The following DYNC2H1 variants were observed in gnomAD, a reference collection of about 807,000 sequenced individuals.
DYNC2H1 encodes cytoplasmic dynein 2 heavy chain 1.
In DYNC2H1, 410 loss-of-function variants were observed where a neutral mutation model predicts 570.0. That is an observed-to-expected ratio of 0.72 (90% CI 0.66 to 0.78). DYNC2H1 has a LOEUF of 0.78. Ranked by LOEUF, DYNC2H1 falls within the 30% of genes least tolerant of loss-of-function variation. The pLI, the probability that DYNC2H1 is intolerant of heterozygous loss-of-function variation, is 0.00. For synonymous variants in DYNC2H1, 1,688 were observed against 1,677.6 expected (o/e 1.01, Z -0.15); for missense variants, 4,865 against 5,046.4 (o/e 0.96, Z 1.09).
chr11:103,200,363 A>C (rs1862669920), intron 50 of DYNC2H1, among the ~76,000 whole-genome samples: 1 of 152,182 alleles, frequency 6.6e-6, no homozygotes, highest in South Asian at 2.1e-4. Flanking sequence ...AAAATTGTTA[A>C]TATTGAGTAT....
intron 85 of DYNC2H1, among the ~76,000 whole-genome samples, chr11:103,449,355 T>C (rs886686477): frequency 4.6e-5 from 7 of 152,182 alleles, no homozygotes; most frequent in African/African-American, 1.7e-4. Flanking sequence ...TTTTGAAGAC[T>C]AGACTGTATG....
At chr11:103,449,066 G>T (rs890470696) in intron 85 of DYNC2H1, among the ~76,000 whole-genome samples, 3 of 152,194 alleles carry the variant, frequency 2.0e-5, no homozygotes, top group Non-Finnish European at 4.4e-5. Flanking sequence ...AGACCTAAAG[G>T]AGGTAAGGGA....
chr11:103,155,278 A>AAT, intron 24 of DYNC2H1, 53 bp from the exon 25 acceptor site: 1 of 1,473,994 alleles, frequency 6.8e-7, no homozygotes, highest in Non-Finnish European at 9.0e-7. Flanking sequence ...GCATTTTGCT[A>AAT]ATATATGTAT....
intron 82 of DYNC2H1, among the ~76,000 whole-genome samples, chr11:103,343,627 G>A (rs553517874): frequency 6.6e-6 from 1 of 152,268 alleles, no homozygotes; most frequent in Non-Finnish European, 1.5e-5. Flanking sequence ...ATGACGAGAA[G>A]TGAGGACAAA....
chr11:103,302,272 A>G (rs1867080955), intron 75 of DYNC2H1, among the ~76,000 whole-genome samples: 1 of 152,066 alleles, frequency 6.6e-6, no homozygotes, highest in Admixed American at 6.6e-5. Flanking sequence ...ATATAGTGAT[A>G]TTTGTTTCTC....
At chr11:103,332,054 C>T (rs1008074663) in intron 82 of DYNC2H1, among the ~76,000 whole-genome samples, 2 of 146,708 alleles carry the variant, frequency 1.4e-5, no homozygotes, top group Non-Finnish European at 3.0e-5. Context: ...GGTGACAAAG[C>T]GAGACTCCAT....
intron 12 of DYNC2H1, among the ~76,000 whole-genome samples, chr11:103,126,829 A>G (rs972008810): frequency 6.6e-6 from 1 of 152,042 alleles, no homozygotes; most frequent in African/African-American, 2.4e-5. Flanking sequence ...TAGTAGAGAT[A>G]GAGTTTCACC....
chr11:103,460,853 C>T (rs1267930670), intron 87 of DYNC2H1, among the ~76,000 whole-genome samples: 1 of 151,708 alleles, frequency 6.6e-6, no homozygotes. Context: ...TTTTATTTTT[C>T]ATTTGGGATT....
chr11:103,141,631 G>C (rs554183959), intron 17 of DYNC2H1, among the ~76,000 whole-genome samples: 1 of 152,326 alleles, frequency 6.6e-6, no homozygotes, highest in African/African-American at 2.4e-5. Context: ...GTGCCTCCCA[G>C]TTAGGCTGCT....
chr11:103,213,206 T>C (rs1237088375), intron 54 of DYNC2H1, among the ~76,000 whole-genome samples: 1 of 152,030 alleles, frequency 6.6e-6, no homozygotes, highest in Non-Finnish European at 1.5e-5. Context: ...ACCAGAACCA[T>C]ATGTGAGAAA....
intron 74 of DYNC2H1, among the ~76,000 whole-genome samples, chr11:103,287,157 C>T (rs7104306): frequency 2.6e-5 from 4 of 151,734 alleles, no homozygotes; most frequent in East Asian, 3.9e-4. Flanking sequence ...TTTTTTTAAA[C>T]GTAAAAATAG....
chr11:103,157,131 T>G lies in DYNC2H1; in HGVS notation c.4127+361T>G, dbSNP rs541925102. ...TCTTAGAAAGTCTCTTCCATTGGCTTCTGTGATTTCGTCCTCTCTTGGTTT... is the reference window on the plus strand; with the variant it reads ...TCTTAGAAAGTCTCTTCCATTGGCTGCTGTGATTTCGTCCTCTCTTGGTTT... On this transcript the variant is annotated intron_variant, in intron 26 of 88. Transcript: ENST00000375735. The surrounding 1 kb of genome is among the most constrained non-coding windows in gnomAD (Gnocchi z 4.2). Among the ~76,000 whole-genome samples the G allele has an allele frequency of 6.6e-6, 1 of 152,324 alleles. No individual in the cohort carries two copies. The highest frequency in any genetic ancestry group is 1.5e-5 in the Non-Finnish European group (1 of 68,018).
chr11:103,285,004 T>G (rs901270118), intron 73 of DYNC2H1, among the ~76,000 whole-genome samples: 1 of 152,150 alleles, frequency 6.6e-6, no homozygotes, highest in Non-Finnish European at 1.5e-5. Context: ...GAATAGAAAT[T>G]TGTGAGGTAG....
intron 82 of DYNC2H1, among the ~76,000 whole-genome samples, chr11:103,347,604 A>AT (rs777288618): frequency 5.9e-5 from 9 of 152,126 alleles, no homozygotes; most frequent in Non-Finnish European, 1.0e-4. Context: ...TTCTTTGAAA[A>AT]TGTTCATAAT....
chr11:103,445,358 T>TA (rs1274453920), intron 85 of DYNC2H1, among the ~76,000 whole-genome samples: 3 of 152,250 alleles, frequency 2.0e-5, no homozygotes, highest in African/African-American at 7.2e-5. Context: ...ATGCCCATCT[T>TA]AAAGTATGAT....
At chr11:103,237,629 A>T (rs1204231788) in intron 63 of DYNC2H1, among the ~76,000 whole-genome samples, 2 of 152,174 alleles carry the variant, frequency 1.3e-5, no homozygotes, top group East Asian at 3.9e-4. Context: ...AATGTATTAC[A>T]TTATAGCAAA....
In DYNC2H1 at chr11:103,109,725, C is replaced by T. The variant is rs1858017733; in HGVS notation, c.151C>T (p.Leu51Phe). The T allele has an allele frequency of 6.2e-7, 1 of 1,613,976 alleles. No homozygotes were observed. The highest frequency in any genetic ancestry group is 8.5e-7 in the Non-Finnish European group (1 of 1,179,898). ...CTTGGATGACGGCAACCAGATGCTC[C>T]TCAGGGTGCAGCGATCCGACGCAGG... ...NFLDDGNQMLLRVQRSDAGIS... is the reference protein window; with the variant it reads ...NFLDDGNQMLFRVQRSDAGIS... The change falls in exon 1 of 89, where the codon CTC becomes TTC. Residue 51 changes from leucine (L) to phenylalanine (F), a missense_variant. By Grantham distance (22) the Leu-to-Phe change is conservative. Coordinates refer to ENST00000375735, the MANE Select transcript of DYNC2H1 (RefSeq NM_001377.3).
rs192906733 is a variant in DYNC2H1, at chr11:103,422,168, A to C, written c.12367-13775A>C. ...AAGAAATTGAATCCCTGAATAGACCAATAATGAATTCTGAAATTGAGGCTG... is the reference window on the plus strand; with the variant it reads ...AAGAAATTGAATCCCTGAATAGACCCATAATGAATTCTGAAATTGAGGCTG... On this transcript the variant is annotated intron_variant, in intron 84 of 88. Coordinates refer to ENST00000375735, the MANE Select transcript of DYNC2H1 (RefSeq NM_001377.3). Among the ~76,000 whole-genome samples, 396 of 152,296 alleles carry C rather than the reference A, an allele frequency of 2.6e-3. 3 individuals are homozygous for C. The highest frequency in any genetic ancestry group is 8.8e-3 in the African/African-American group (364 of 41,570).
intron 1 of DYNC2H1, among the ~76,000 whole-genome samples, chr11:103,110,150 T>A (rs1023654174): frequency 6.6e-6 from 1 of 152,048 alleles, no homozygotes; most frequent in Non-Finnish European, 1.5e-5. Context: ...TGCCTCAGCC[T>A]CCCGAGTAGC....
Sources: allele counts gnomAD v4.1 joint callset (sites outside exome capture counted in the v4.1 genomes callset), GRCh38; gene constraint gnomAD v4.1.1; non-coding constraint Gnocchi (gnomAD v3.1); transcripts MANE v1.5; gene names NCBI Gene and HGNC (gene_info 2026-07-23, HGNC 2026-07-21).